The following GABRR3 variants were observed in gnomAD, a reference collection of about 807,000 sequenced individuals.
The protein encoded by GABRR3 is gamma-aminobutyric acid receptor subunit rho-3.
A neutral mutation model predicts 43.2 loss-of-function variants in GABRR3; 29 were observed. The observed-to-expected ratio is 0.67, with a 90% CI of 0.50 to 0.92. The LOEUF (loss-of-function observed/expected upper bound fraction) is 0.92, where lower values mean the gene tolerates loss of function less well. GABRR3 is among the 40% of genes least tolerant of loss of function. GABRR3 has a pLI of 0.00. For missense variants in GABRR3, 576 were observed against 572.3 expected (o/e 1.01, Z -0.07); for synonymous variants, 206 against 195.9 (o/e 1.05, Z -0.43).
intron 4 of GABRR3, among the ~76,000 whole-genome samples, chr3:98,013,118 C>T (rs528356530): frequency 6.6e-6 from 1 of 152,272 alleles, no homozygotes; most frequent in South Asian, 2.1e-4. Context: ...CAGAATCATC[C>T]TCAGCTTGAG....
chr3:98,032,853 T>C lies in GABRR3; in HGVS notation c.125+2010A>G, dbSNP rs565303266. Among the ~76,000 whole-genome samples, 13 of 152,306 alleles carry C rather than the reference T, an allele frequency of 8.5e-5. No homozygotes were observed. The East Asian group carries it at 2.5e-3, about 29-fold the overall frequency. ...TTCATGTTCACTCTATTAGTTCTTT[T>C]GCATTATAGAAGAGTGGATTATTCA... On this transcript the variant is annotated intron_variant, in intron 2 of 9. Coordinates refer to ENST00000621172, the Ensembl canonical transcript of GABRR3.
At chr3:98,031,454 A>G (rs1194341553) in intron 2 of GABRR3, among the ~76,000 whole-genome samples, 1 of 152,200 alleles carries the variant, frequency 6.6e-6, no homozygotes, top group Non-Finnish European at 1.5e-5. Context: ...CTCTTATAAC[A>G]AGAGAAGGCT....
chr3:98,029,464 C>T (rs1707059719), intron 2 of GABRR3, among the ~76,000 whole-genome samples: 2 of 152,076 alleles, frequency 1.3e-5, no homozygotes, highest in African/African-American at 4.8e-5. Context: ...AAAACTAGAA[C>T]TGATTGAGGA....
At chr3:98,019,448 A>G (rs1352961980) in intron 3 of GABRR3, among the ~76,000 whole-genome samples, 1 of 152,014 alleles carries the variant, frequency 6.6e-6, no homozygotes, top group Non-Finnish European at 1.5e-5. Flanking sequence ...TTTTACTTTC[A>G]AGGGTTTCAG....
At chr3:98,027,591 G>A (rs1042139915) in intron 2 of GABRR3, among the ~76,000 whole-genome samples, 2 of 152,358 alleles carry the variant, frequency 1.3e-5, no homozygotes, top group South Asian at 2.1e-4. Context: ...GGCAGCGTGC[G>A]AAAGCACCTG....
intron 2 of GABRR3, among the ~76,000 whole-genome samples, chr3:98,032,413 G>A (rs1282311884): frequency 2.0e-5 from 3 of 152,116 alleles, no homozygotes; most frequent in East Asian, 1.9e-4. Context: ...GAGTCAATAC[G>A]TTGCTCTTAT....
intron 2 of GABRR3, among the ~76,000 whole-genome samples, chr3:98,031,987 T>C (rs1707092096): frequency 6.6e-6 from 1 of 152,118 alleles, no homozygotes; most frequent in Non-Finnish European, 1.5e-5. Context: ...TAGTGTTTTA[T>C]TTCCATGGTG....
Position 98,008,949 on chromosome 3 carries a change from G to A in GABRR3, c.613+7C>T. The A allele has an allele frequency of 1.3e-6, 2 of 1,576,552 alleles. No individual in the cohort carries two copies. The highest frequency in any genetic ancestry group is 1.7e-6 in the Non-Finnish European group (2 of 1,153,058). ...GTGCACTCACTCCACCAGGAAGTGA[G>A]ACTTACAGCTTTCCAGTTCAAGAGA... On this transcript the variant is annotated splice_region_variant and intron_variant, in intron 6 of 9. Transcript: ENST00000621172.
rs575070550 is a variant in GABRR3 at position 98,029,320 on chromosome 3, TCTC to T, written c.126-3644_126-3642del. Among the ~76,000 whole-genome samples the T allele has an allele frequency of 2.0e-3, 311 of 152,278 alleles. 1 individual carries two copies. Among genetic ancestry groups the T allele is most frequent in the Non-Finnish European group, 1.8e-3 (123 of 68,016 alleles). ...GAAAACATATTTCTATGCTCCCTCT[TCTC>T]AGTGTCAGAAACTCTACTGTAATTG... On this transcript the variant is annotated intron_variant, in intron 2 of 9. Transcript: ENST00000621172.
intron 8 of GABRR3, chr3:97,997,840 A>T (rs1706583603): frequency 1.3e-5 from 2 of 152,230 alleles, no homozygotes; most frequent in African/African-American, 4.8e-5. Context: ...AGATGTACAA[A>T]AAGGACATGT....
At chr3:97,994,665 T>C (rs995024812) in intron 8 of GABRR3, among the ~76,000 whole-genome samples, 1 of 152,234 alleles carries the variant, frequency 6.6e-6, no homozygotes, top group Admixed American at 6.5e-5. Flanking sequence ...AAGCCAAGAT[T>C]ATTAAATAAA....
chr3:98,000,495 A>G (rs1248471056), intron 8 of GABRR3: 1 of 152,124 alleles, frequency 6.6e-6, no homozygotes, highest in East Asian at 1.9e-4. Context: ...AGTTCAAATA[A>G]TTTAATTACT....
chr3:98,007,953 C>T, intron 6 of GABRR3, 49 bp from the exon 7 acceptor site: 1 of 1,456,918 alleles, frequency 6.9e-7, no homozygotes, highest in Non-Finnish European at 9.2e-7. Flanking sequence ...CTCTTGTAAG[C>T]TCAATGAGTT....
At chr3:98,000,165 T>G (rs1393539270) in intron 8 of GABRR3, 5 of 152,142 alleles carry the variant, frequency 3.3e-5, no homozygotes, top group African/African-American at 1.2e-4. Flanking sequence ...TAAATCTGCA[T>G]AGCAATTTCC....
exon 5 of GABRR3, chr3:98,012,472 T>C (rs1323086174): frequency 1.2e-6 from 2 of 1,613,886 alleles, no homozygotes; most frequent in Admixed American, 3.3e-5. Flanking sequence ...TTCTGGTCAA[T>C]CTATGATCAA....
chr3:98,030,930 G>A (rs564546428), intron 2 of GABRR3, among the ~76,000 whole-genome samples: 1 of 152,336 alleles, frequency 6.6e-6, no homozygotes, highest in African/African-American at 2.4e-5. Flanking sequence ...ATAAGGTAAA[G>A]TAGTGGGAAA....
rs753312153 is a variant in GABRR3, at chr3:98,024,565, G to T, written c.238+1002C>A. The stretch of plus-strand genomic sequence containing the variant: ...CTTCCCTTGGTCATAACCACATCAT[G>T]AGAAGAGTATCCCCCGCCCTGAACA... On this transcript the variant is annotated intron_variant, in intron 3 of 9. Transcript: ENST00000621172. 1.2e-4 allele frequency among the ~76,000 whole-genome samples: 19 copies of T among 152,114 alleles called. 1 individual carries two copies. Among genetic ancestry groups the T allele is most frequent in the Non-Finnish European group, 2.9e-5 (2 of 68,030 alleles).
In GABRR3 at chr3:97,986,783, A is replaced by T. The variant is rs752360183; in HGVS notation, c.1304T>A (p.Ile435Asn). Reference sequence around the variant, plus strand: ...AATGACATGGTTGTTTTCCAGAATGATTCTACCAACATGTCCTCCTAGGGA... The same window carrying T: ...AATGACATGGTTGTTTTCCAGAATGTTTCTACCAACATGTCCTCCTAGGGA... Residue 435 changes from isoleucine to asparagine, a missense_variant, in exon 10 of 10, where the codon ATC (isoleucine) becomes AAC (asparagine). Physicochemically the swap from Ile to Asn is moderately radical, Grantham distance 149. Transcript: ENST00000621172. 1.1e-5 allele frequency: 17 copies of T among 1,610,368 alleles called. No individual in the cohort carries two copies. Among genetic ancestry groups the T allele is most frequent in the African/African-American group, 1.3e-5 (1 of 75,036 alleles).
At chr3:98,001,570 A>G (rs545484654) in intron 8 of GABRR3, 45 bp downstream of exon 8, 1 of 1,605,326 alleles carries the variant, frequency 6.2e-7, no homozygotes, top group Admixed American at 1.7e-5. Flanking sequence ...CCTCCCTTGA[A>G]CTTTCTCCCA....
Sources: allele counts gnomAD v4.1 joint callset (sites outside exome capture counted in the v4.1 genomes callset), GRCh38; gene constraint gnomAD v4.1.1; transcripts MANE v1.5; gene names NCBI Gene and HGNC (gene_info 2026-07-23, HGNC 2026-07-21).